The following MINDY4 variants were observed in gnomAD, a reference collection of about 807,000 sequenced individuals.
MINDY4 encodes the protein MINDY lysine 48 deubiquitinase 4.
A neutral mutation model predicts 87.0 loss-of-function variants in MINDY4; 68 were observed. The ratio of observed to expected loss-of-function variants is 0.78; its 90% CI spans 0.64 to 0.96. The LOEUF is 0.96. Ranked by LOEUF, MINDY4 falls within the 40% of genes least tolerant of loss-of-function variation. The pLI, the probability that MINDY4 is intolerant of heterozygous loss-of-function variation, is 0.00. For missense variants in MINDY4, 919 were observed against 928.2 expected (o/e 0.99, Z 0.13); for synonymous variants, 379 against 363.2 (o/e 1.04, Z -0.50).
chr7:30,816,182 C>T (rs771750781), intron 5 of MINDY4, among the ~76,000 whole-genome samples: 8 of 151,312 alleles, frequency 5.3e-5, no homozygotes, highest in Admixed American at 1.3e-4. Flanking sequence ...ATTGCGTGCC[C>T]GGGTCTCATA....
intron 17 of MINDY4, among the ~76,000 whole-genome samples, chr7:30,888,056 G>T (rs1360563546): frequency 6.6e-6 from 1 of 152,214 alleles, no homozygotes; most frequent in Non-Finnish European, 1.5e-5. Context: ...CTGCTGTCTT[G>T]TCCTGGCTGA....
Position 30,808,940 on chromosome 7 carries a change from AGAGAGAGAGAG to A in MINDY4, c.1073+17367_1073+17377del, listed in dbSNP as rs2128557553. ...GACAAAGAGGGAGTCAAGGAGAGAG[AGAGAGAGAGAG>A]AGAGAGGCAGAGAGAGAGAAAGAGA... is the stretch of plus-strand genomic sequence containing the variant. On this transcript the variant is annotated intron_variant, in intron 5 of 17. Transcript: ENST00000265299. Among the ~76,000 whole-genome samples, 4 of 55,386 alleles carry A rather than the reference AGAGAGAGAGAG, an allele frequency of 7.2e-5. No homozygotes were observed. In the South Asian group the frequency reaches 3.1e-3, roughly 42 times the overall value. The allele number at this position is 55,386 out of a possible 152,430, so 36.3% of individuals were successfully genotyped here.
intron 17 of MINDY4, among the ~76,000 whole-genome samples, chr7:30,884,975 G>A (rs1790585652): frequency 6.6e-6 from 1 of 152,208 alleles, no homozygotes; most frequent in Admixed American, 6.5e-5. Context: ...GTGACAGTGA[G>A]GTTATGTGGG....
intron 13 of MINDY4, among the ~76,000 whole-genome samples, chr7:30,861,803 T>C (rs1789775759): frequency 6.6e-6 from 1 of 152,218 alleles, no homozygotes; most frequent in Non-Finnish European, 1.5e-5. Flanking sequence ...GGCCCTGTGG[T>C]GGAGGCCGTG....
intron 9 of MINDY4, among the ~76,000 whole-genome samples, chr7:30,849,004 G>A (rs1009339689): frequency 6.6e-6 from 1 of 152,182 alleles, no homozygotes; most frequent in Non-Finnish European, 1.5e-5. Context: ...CACGAGGGAG[G>A]TGCAGTGGTC....
intron 1 of MINDY4, among the ~76,000 whole-genome samples, chr7:30,776,965 G>GCATTTCTTTTCTTTTCT (rs1170084674): frequency 2.2e-3 from 100 of 45,596 alleles, no homozygotes; most frequent in African/African-American, 0.021. Flanking sequence ...TACCCCAATG[G>GCATTTCTTTTCTTTTCT]TATTTCTTTT....
chr7:30,789,933 A>C (rs1787271446), intron 4 of MINDY4, among the ~76,000 whole-genome samples: 1 of 152,194 alleles, frequency 6.6e-6, no homozygotes. Context: ...AAAACTAAGC[A>C]AATCTTGAGT....
intron 5 of MINDY4, among the ~76,000 whole-genome samples, chr7:30,811,827 C>T (rs1037394013): frequency 6.6e-6 from 1 of 152,172 alleles, no homozygotes; most frequent in African/African-American, 2.4e-5. Flanking sequence ...TGCGGACTCC[C>T]TTAGAGTTGT....
intron 9 of MINDY4, among the ~76,000 whole-genome samples, chr7:30,842,885 G>A (rs978062740): frequency 6.6e-6 from 1 of 152,166 alleles, no homozygotes; most frequent in African/African-American, 2.4e-5. Flanking sequence ...CAGGCGCTGT[G>A]CCTGCTGGCT....
chr7:30,857,698 C>T (rs1423214387), intron 12 of MINDY4: 1 of 67,094 alleles, frequency 1.5e-5, no homozygotes, highest in African/African-American at 2.8e-4. Context: ...ATCCGCCCGC[C>T]TCGGCCTCCC....
intron 9 of MINDY4, among the ~76,000 whole-genome samples, chr7:30,846,200 C>A (rs544371148): frequency 1.3e-5 from 2 of 152,160 alleles, no homozygotes; most frequent in South Asian, 2.1e-4. Flanking sequence ...CTTTCTACCC[C>A]CTATTGCAGC....
At chr7:30,863,183 G>T (rs1028086795) in intron 13 of MINDY4, among the ~76,000 whole-genome samples, 4 of 152,334 alleles carry the variant, frequency 2.6e-5, no homozygotes, top group African/African-American at 7.2e-5. Flanking sequence ...TGCCATTTCA[G>T]GGCAATCTGT....
intron 13 of MINDY4, among the ~76,000 whole-genome samples, chr7:30,865,075 C>T (rs1454848497): frequency 1.3e-5 from 2 of 152,170 alleles, no homozygotes; most frequent in Non-Finnish European, 2.9e-5. Flanking sequence ...TGAGCCTCTG[C>T]CAGCCCAGAA....
intron 5 of MINDY4, among the ~76,000 whole-genome samples, chr7:30,797,123 G>A (rs1309603756): frequency 2.0e-5 from 3 of 152,120 alleles, no homozygotes; most frequent in Non-Finnish European, 4.4e-5. Context: ...GGCAAATGCA[G>A]CAAATCAAGG....
intron 10 of MINDY4, among the ~76,000 whole-genome samples, chr7:30,851,886 G>A (rs892756248): frequency 2.6e-5 from 4 of 152,238 alleles, no homozygotes; most frequent in African/African-American, 9.6e-5. Flanking sequence ...TCAGCATTCC[G>A]CAGTCTGGAA....
At position 30,853,409 on chromosome 7, in the gene MINDY4, T is replaced by C. The variant is rs911154415; in HGVS notation, c.1627T>C (p.Leu543=). The C allele has an allele frequency of 1.9e-6, 3 of 1,613,782 alleles. No homozygotes were observed. Among genetic ancestry groups the C allele is most frequent in the Non-Finnish European group, 2.5e-6 (3 of 1,179,858 alleles). The change falls in exon 12 of 18, where the codon TTG becomes CTG. Residue 543 remains leucine, a synonymous_variant. Coordinates refer to ENST00000265299, the MANE Select transcript of MINDY4 (RefSeq NM_032222.3). ...GTCTTCTCAGCTTACGCTTCACAGT[T>C]TGACCTGCTATGAGGACCTGGTGAC... is the stretch of plus-strand genomic sequence containing the variant. The part of the protein sequence containing the change: ...GVLETLTLHS[L]TCYEDLVTFL...
chr7:30,798,095 C>T (rs1346235298), intron 5 of MINDY4, among the ~76,000 whole-genome samples: 3 of 152,152 alleles, frequency 2.0e-5, no homozygotes, highest in Non-Finnish European at 4.4e-5. Flanking sequence ...CAGCCTACTA[C>T]ACACCTAGGC....
In MINDY4 at chr7:30,782,089, C is replaced by T. The variant is rs770851252; in HGVS notation, c.296C>T (p.Ser99Leu). 4 of 1,613,960 alleles carry T rather than the reference C, an allele frequency of 2.5e-6. No individual in the cohort carries two copies. The African/African-American group carries it at 4.0e-5, about 16-fold the overall frequency. Residue 99 changes from serine to leucine, a missense_variant, in exon 3 of 18, where the codon TCA becomes TTA. Ser to Leu is a moderately radical substitution (Grantham distance 145). Coordinates refer to ENST00000265299, the MANE Select transcript of MINDY4 (RefSeq NM_032222.3). ...CAAGATACCCCAATCCCTGCACTCT[C>T]AGTTCCAAAGAAAAATAACAAAGTG... is the stretch of plus-strand genomic sequence containing the variant. ...FTQDTPIPAL[S>L]VPKKNNKVPS...
intron 6 of MINDY4, among the ~76,000 whole-genome samples, chr7:30,833,759 C>G (rs556214657): frequency 4.6e-5 from 7 of 152,342 alleles, no homozygotes; most frequent in African/African-American, 1.4e-4. Flanking sequence ...AATGGGGGTA[C>G]AGGCAGTGGG....
Sources: gnomAD v4.1 joint callset for allele counts (sites outside exome capture counted in the v4.1 genomes callset) on GRCh38, gnomAD v4.1.1 for gene constraint, MANE v1.5 for transcripts, NCBI Gene and HGNC (gene_info 2026-07-23, HGNC 2026-07-21) for gene names.